GPT2: variants seen among roughly 807,000 people sequenced by gnomAD.
GPT2 encodes the protein glutamic--pyruvic transaminase 2.
A neutral mutation model predicts 56.9 loss-of-function variants in GPT2; 30 were observed. The observed-to-expected ratio is 0.53, with a 90% CI of 0.39 to 0.72. The LOEUF (loss-of-function observed/expected upper bound fraction) is 0.72. Among genes scored for constraint, GPT2 ranks in the 30% least tolerant of loss-of-function variants. The probability of loss-of-function intolerance (pLI) is 0.00; values close to 1 mark genes in which losing one functional copy is unlikely to be tolerated. For synonymous variants in GPT2, 271 were observed against 283.1 expected (o/e 0.96, Z 0.43); for missense variants, 542 against 703.4 (o/e 0.77, Z 2.60).
intron 5 of GPT2, 47 bp downstream of exon 5, chr16:46,907,022 A>G: frequency 1.2e-6 from 2 of 1,610,744 alleles, no homozygotes; most frequent in South Asian, 2.2e-5. Flanking sequence ...ACCCACATGA[A>G]GAGCAGCCTT....
At chr16:46,926,852 A>G in intron 10 of GPT2, 73 bp from the exon 11 acceptor site, 1 of 971,754 alleles carries the variant, frequency 1.0e-6, no homozygotes, top group Non-Finnish European at 1.5e-6. Context: ...CATTTAGATT[A>G]CATTTGGCTT....
At chr16:46,926,827 G>T in intron 10 of GPT2, 98 bp from the exon 11 acceptor site, 1 of 726,924 alleles carries the variant, frequency 1.4e-6, no homozygotes. Flanking sequence ...GCACTGCCGT[G>T]GGAGAGAGAC....
intron 9 of GPT2, chr16:46,924,173 A>G: frequency 1.6e-6 from 1 of 629,066 alleles, no homozygotes; most frequent in Non-Finnish European, 2.9e-6. Flanking sequence ...TCGAAGGAAC[A>G]GACCACCCCA....
chr16:46,919,306 G>A (rs1252255084), intron 8 of GPT2, among the ~76,000 whole-genome samples: 1 of 152,258 alleles, frequency 6.6e-6, no homozygotes, highest in Non-Finnish European at 1.5e-5. Flanking sequence ...CTAGTGAGGG[G>A]GGAGAGCTGT....
At chr16:46,917,950 G>T (rs903642763) in intron 7 of GPT2, among the ~76,000 whole-genome samples, 5 of 152,168 alleles carry the variant, frequency 3.3e-5, no homozygotes, top group African/African-American at 1.2e-4. Context: ...GACAGGGCCT[G>T]GCTTGGCAAT....
chr16:46,921,637 T>C (rs1007655707), intron 8 of GPT2, among the ~76,000 whole-genome samples: 22 of 152,190 alleles, frequency 1.4e-4, no homozygotes, highest in Admixed American at 8.5e-4. Context: ...GAGATGTATG[T>C]TGCTGATTTG....
chr16:46,899,859 G>A (rs1373988374), intron 3 of GPT2, among the ~76,000 whole-genome samples: 1 of 152,178 alleles, frequency 6.6e-6, no homozygotes, highest in Non-Finnish European at 1.5e-5. Context: ...CCCTGCCACT[G>A]TGCATGGCAG....
At chr16:46,899,702 T>G (rs1960779491) in intron 3 of GPT2, among the ~76,000 whole-genome samples, 1 of 152,200 alleles carries the variant, frequency 6.6e-6, no homozygotes, top group African/African-American at 2.4e-5. Context: ...GGCCCTGACT[T>G]CCCTGGAGCG....
chr16:46,923,288 C>T (rs1157542512), intron 9 of GPT2, among the ~76,000 whole-genome samples: 2 of 152,154 alleles, frequency 1.3e-5, no homozygotes, highest in Non-Finnish European at 1.5e-5. Flanking sequence ...ATGGTCAAAC[C>T]TCATCTCTAC....
chr16:46,914,701 C>T (rs1392149941), intron 6 of GPT2, among the ~76,000 whole-genome samples: 2 of 152,192 alleles, frequency 1.3e-5, no homozygotes, highest in Non-Finnish European at 2.9e-5. Context: ...ATTTTTTGAG[C>T]ATCTGTTGAG....
intron 7 of GPT2, 27 bp downstream of exon 7, chr16:46,916,734 TG>T: frequency 1.3e-6 from 2 of 1,503,984 alleles, no homozygotes; most frequent in Non-Finnish European, 1.9e-6. Flanking sequence ...TCAGAGGGAG[TG>T]GGCACTAGCT....
At chr16:46,905,981 T>C (rs1960917085) in intron 4 of GPT2, among the ~76,000 whole-genome samples, 1 of 152,230 alleles carries the variant, frequency 6.6e-6, no homozygotes, top group African/African-American at 2.4e-5. Context: ...GACTGGAGGC[T>C]GGAGGATGCC....
intron 8 of GPT2, among the ~76,000 whole-genome samples, chr16:46,919,474 A>T (rs1351145011): frequency 6.6e-6 from 1 of 152,238 alleles, no homozygotes; most frequent in Non-Finnish European, 1.5e-5. Context: ...ATCTGGGGGA[A>T]GAGCATTGCA....
chr16:46,899,431 C>T (rs1960773965), intron 3 of GPT2, among the ~76,000 whole-genome samples: 1 of 152,086 alleles, frequency 6.6e-6, no homozygotes, highest in South Asian at 2.1e-4. Flanking sequence ...TTCTCTGGGG[C>T]AGAGGGCTGG....
intron 7 of GPT2, among the ~76,000 whole-genome samples, chr16:46,917,693 C>T (rs903528163): frequency 1.3e-5 from 2 of 152,108 alleles, no homozygotes; most frequent in Non-Finnish European, 2.9e-5. Flanking sequence ...CAGACACACA[C>T]ACACGCATAC....
rs529298083 is a variant in GPT2, at chr16:46,894,801, G to T, written c.244-2847G>T. 5.2e-4 allele frequency among the ~76,000 whole-genome samples: 79 copies of T among 152,320 alleles called. 1 individual carries two copies. The highest frequency in any genetic ancestry group is 4.3e-3 in the Admixed American group (66 of 15,300). On this transcript the variant is annotated intron_variant, in intron 2 of 11. Coordinates refer to ENST00000340124, the MANE Select transcript of GPT2 (RefSeq NM_133443.4). Reference sequence around the variant, plus strand: ...CTGCCTCAGCGTCCCGAGTAGCTGGGACTACAGGCGCCCGCCCCCACGCCT... The same window carrying T: ...CTGCCTCAGCGTCCCGAGTAGCTGGTACTACAGGCGCCCGCCCCCACGCCT...
intron 6 of GPT2, among the ~76,000 whole-genome samples, chr16:46,912,696 T>C (rs1349258254): frequency 4.0e-5 from 6 of 151,630 alleles, no homozygotes; most frequent in African/African-American, 1.5e-4. Context: ...AAGCGGAAGG[T>C]GAAGGGGGAG....
chr16:46,885,145 C>T, intron 2 of GPT2, 187 bp downstream of exon 2: 1 of 1,334,290 alleles, frequency 7.5e-7, no homozygotes, highest in Non-Finnish European at 9.6e-7. Flanking sequence ...ACCGGGCACT[C>T]AGTGAGGCCT....
chr16:46,926,130 CAAAAAAAAAA>C (rs57922941), intron 10 of GPT2, among the ~76,000 whole-genome samples: 1 of 58,168 alleles, frequency 1.7e-5, no homozygotes, highest in Non-Finnish European at 3.3e-5. Context: ...GACTCTGTCT[CAAAAAAAAAA>C]AAAAAAAAAA....
Sources: allele counts gnomAD v4.1 joint callset (sites outside exome capture counted in the v4.1 genomes callset), GRCh38; gene constraint gnomAD v4.1.1; transcripts MANE v1.5; gene names NCBI Gene and HGNC (gene_info 2026-07-23, HGNC 2026-07-21).